TNS3: variants seen among roughly 807,000 people sequenced by gnomAD.
The protein encoded by TNS3 is tensin-3.
In TNS3, 45 loss-of-function variants were observed where a neutral mutation model predicts 140.9. The ratio of observed to expected loss-of-function variants is 0.32; its 90% confidence interval spans 0.25 to 0.41. The LOEUF (loss-of-function observed/expected upper bound fraction) is 0.41, where lower values mean the gene tolerates loss of function less well. Ranked by LOEUF, TNS3 falls within the 10% of genes least tolerant of loss-of-function variation. The probability of loss-of-function intolerance (pLI) is 1.00; values close to 1 mark genes in which losing one functional copy is unlikely to be tolerated. For synonymous variants in TNS3, 815 were observed against 788.4 expected, an observed-to-expected ratio of 1.03 and a Z score of -0.56; for missense variants, 1,716 against 1,906.7, an observed-to-expected ratio of 0.90 and a Z score of 1.86.
chr7:47,321,877 C>T (rs1233233032), intron 20 of TNS3, among the ~76,000 whole-genome samples: 2 of 152,146 alleles, frequency 1.3e-5, no homozygotes, highest in Non-Finnish European at 2.9e-5. Flanking sequence ...TTGTCTACAG[C>T]ACTCAAGCCT....
rs544582818 is a variant in TNS3 at position 47,399,563 on chromosome 7, A to G, written c.919+830T>C. 3.6e-4 allele frequency among the ~76,000 whole-genome samples: 55 copies of G among 152,342 alleles called. No homozygotes were observed. The South Asian group carries it at 8.1e-3, about 22-fold the overall frequency. ...TCTTCAACAAAGCATATAAAAACATAAACTGGGGAAAGAATACCCTATTTA... is the reference window on the plus strand; with the variant it reads ...TCTTCAACAAAGCATATAAAAACATGAACTGGGGAAAGAATACCCTATTTA... On this transcript the variant is annotated intron_variant, in intron 15 of 30. Transcript: ENST00000311160.
At chr7:47,467,464 A>G (rs768544511) in intron 4 of TNS3, among the ~76,000 whole-genome samples, 19 of 152,304 alleles carry the variant, frequency 1.2e-4, no homozygotes, top group Admixed American at 7.2e-4. Context: ...GAAAGTGCAC[A>G]TTTTAAAGAA....
At chr7:47,362,974 T>C (rs368605214) in intron 17 of TNS3, among the ~76,000 whole-genome samples, 5 of 206 alleles carry the variant, frequency 0.024, no homozygotes, top group African/African-American at 0.044. Flanking sequence ...CAGAGTCATT[T>C]ACCATCACCA....
At chr7:47,421,918 G>T (rs1404402987) in intron 10 of TNS3, among the ~76,000 whole-genome samples, 1 of 152,100 alleles carries the variant, frequency 6.6e-6, no homozygotes, top group African/African-American at 2.4e-5. Flanking sequence ...ATTATTACGA[G>T]TTTGACTTTA....
chr7:47,510,263 G>A (rs560611449), intron 2 of TNS3, among the ~76,000 whole-genome samples: 4 of 152,138 alleles, frequency 2.6e-5, no homozygotes, highest in Non-Finnish European at 5.9e-5. Context: ...GGCCAGAAGG[G>A]AGGCTGCAAA....
chr7:47,455,146 C>A (rs944606512), intron 4 of TNS3, among the ~76,000 whole-genome samples: 2 of 152,132 alleles, frequency 1.3e-5, no homozygotes, highest in Non-Finnish European at 2.9e-5. Flanking sequence ...GGGCAAGACC[C>A]ACAGATGCTG....
At chr7:47,519,368 A>G (rs1272721767) in intron 2 of TNS3, among the ~76,000 whole-genome samples, 1 of 152,046 alleles carries the variant, frequency 6.6e-6, no homozygotes, top group African/African-American at 2.4e-5. Flanking sequence ...AGAAGATGGT[A>G]CCAATCCCTC....
intron 1 of TNS3, among the ~76,000 whole-genome samples, chr7:47,536,149 G>A (rs893398342): frequency 6.6e-6 from 1 of 152,172 alleles, no homozygotes; most frequent in Non-Finnish European, 1.5e-5. Context: ...ACACTTCCAG[G>A]CAGCAGCGTT....
intron 1 of TNS3, among the ~76,000 whole-genome samples, chr7:47,546,049 G>A (rs958238653): frequency 3.3e-5 from 5 of 152,314 alleles, no homozygotes; most frequent in Admixed American, 6.5e-5. Context: ...AGAGGCAGGT[G>A]CCCTGCTCTC....
At chr7:47,410,332 C>T (rs541460009) in intron 13 of TNS3, among the ~76,000 whole-genome samples, 5 of 152,320 alleles carry the variant, frequency 3.3e-5, no homozygotes, top group South Asian at 2.1e-4. Flanking sequence ...AAACGTATGA[C>T]GCACCCCAAA....
chr7:47,562,964 C>T (rs997598720), intron 1 of TNS3, among the ~76,000 whole-genome samples: 2 of 152,136 alleles, frequency 1.3e-5, no homozygotes, highest in Non-Finnish European at 2.9e-5. Flanking sequence ...CAACAACAAC[C>T]GTTGGGAGCC....
chr7:47,370,950 A>G (rs879488922), intron 16 of TNS3, among the ~76,000 whole-genome samples: 1 of 152,186 alleles, frequency 6.6e-6, no homozygotes, highest in Non-Finnish European at 1.5e-5. Flanking sequence ...CACTGGGACA[A>G]CGTGTTGGGA....
chr7:47,323,375 A>G (rs1787858321), intron 20 of TNS3, among the ~76,000 whole-genome samples: 1 of 152,250 alleles, frequency 6.6e-6, no homozygotes, highest in Admixed American at 6.5e-5. Context: ...CTGCAGAAAT[A>G]CCATTCAGGA....
chr7:47,330,120 C>T (rs907758192), intron 20 of TNS3, among the ~76,000 whole-genome samples: 1 of 152,144 alleles, frequency 6.6e-6, no homozygotes, highest in Non-Finnish European at 1.5e-5. Flanking sequence ...ACAGTCTGCT[C>T]CCCCCACCCA....
chr7:47,423,017 G>A (rs1384476906), intron 10 of TNS3, among the ~76,000 whole-genome samples: 1 of 152,092 alleles, frequency 6.6e-6, no homozygotes, highest in African/African-American at 2.4e-5. Flanking sequence ...CAACACACCC[G>A]GTTTCAAGAG....
chr7:47,498,896 G>A (rs1035129798), intron 3 of TNS3, among the ~76,000 whole-genome samples: 3 of 152,258 alleles, frequency 2.0e-5, no homozygotes, highest in Non-Finnish European at 4.4e-5. Context: ...GACGGTGCAA[G>A]GAGCAGAGCC....
chr7:47,338,945 T>C (rs1788786729), intron 20 of TNS3, among the ~76,000 whole-genome samples: 1 of 152,226 alleles, frequency 6.6e-6, no homozygotes, highest in South Asian at 2.1e-4. Context: ...CTTAACTAAT[T>C]CACATTCCCT....
At chr7:47,502,129 G>A (rs918678116) in intron 3 of TNS3, among the ~76,000 whole-genome samples, 2 of 152,148 alleles carry the variant, frequency 1.3e-5, no homozygotes, top group African/African-American at 4.8e-5. Flanking sequence ...GAAATGCAAC[G>A]CCCATGAATT....
rs62446314 is a variant in TNS3, at chr7:47,396,907, G to A, written c.920-3C>T. ...GTCGTTGTACAAGTGTTCGGACCCT[G>A]CACAGAGCACAGGCAGCAACATTAG... On this transcript the variant is annotated splice_region_variant and splice_polypyrimidine_tract_variant and intron_variant, in intron 15 of 30. Coordinates refer to ENST00000311160, the MANE Select transcript of TNS3 (RefSeq NM_022748.12). The A allele has an allele frequency of 6.8e-6, 11 of 1,608,898 alleles. No individual in the cohort carries two copies. The East Asian group carries it at 1.1e-4, about 16-fold the overall frequency.
Sources: gnomAD v4.1 joint callset for allele counts (sites outside exome capture counted in the v4.1 genomes callset) on GRCh38, gnomAD v4.1.1 for gene constraint, MANE v1.5 for transcripts, NCBI Gene and HGNC (gene_info 2026-07-23, HGNC 2026-07-21) for gene names.